The following EFCAB6 variants were observed in gnomAD, a reference collection of about 807,000 sequenced individuals.
EFCAB6 encodes EF-hand calcium binding domain 6.
In EFCAB6, 156 loss-of-function variants were observed where a neutral mutation model predicts 169.8. The ratio of observed to expected loss-of-function variants is 0.92; its 90% CI spans 0.81 to 1.05. The LOEUF (loss-of-function observed/expected upper bound fraction) is 1.05, where lower values mean the gene tolerates loss of function less well. Among genes scored for constraint, EFCAB6 ranks in the 50% least tolerant of loss-of-function variants. The probability of loss-of-function intolerance (pLI) is 0.00; values close to 1 mark genes in which losing one functional copy is unlikely to be tolerated. For missense variants in EFCAB6, 1,800 were observed against 1,829.1 expected (o/e 0.98, Z 0.29); for synonymous variants, 698 against 676.4 (o/e 1.03, Z -0.50).
intron 20 of EFCAB6, among the ~76,000 whole-genome samples, chr22:43,625,931 C>T (rs1333716243): frequency 6.6e-6 from 1 of 152,108 alleles, no homozygotes; most frequent in Admixed American, 6.5e-5. Context: ...CGGGCCCAGC[C>T]TTGGACAGAG....
chr22:43,607,426 C>G (rs2053001594), intron 22 of EFCAB6, among the ~76,000 whole-genome samples: 1 of 152,192 alleles, frequency 6.6e-6, no homozygotes, highest in Admixed American at 6.5e-5. Context: ...ATGTTGTCAT[C>G]TTTGGATTAT....
At chr22:43,652,721 A>C (rs1400891683) in intron 17 of EFCAB6, among the ~76,000 whole-genome samples, 1 of 152,116 alleles carries the variant, frequency 6.6e-6, no homozygotes. Flanking sequence ...TCTACCTGGC[A>C]TTCTAAGAGA....
At chr22:43,756,135 C>T (rs751649015) in intron 5 of EFCAB6, among the ~76,000 whole-genome samples, 1 of 151,432 alleles carries the variant, frequency 6.6e-6, no homozygotes, top group Non-Finnish European at 1.5e-5. Context: ...TCACAAGCCT[C>T]GTCCCATTTA....
intron 17 of EFCAB6, among the ~76,000 whole-genome samples, chr22:43,637,394 G>T (rs528594932): frequency 6.6e-6 from 1 of 152,254 alleles, no homozygotes; most frequent in African/African-American, 2.4e-5. Flanking sequence ...GGACCAGGGA[G>T]CTGGCCCCTG....
chr22:43,634,365 A>G (rs1425127495), intron 18 of EFCAB6, among the ~76,000 whole-genome samples: 1 of 152,052 alleles, frequency 6.6e-6, no homozygotes, highest in Non-Finnish European at 1.5e-5. Context: ...TGACAAGGCT[A>G]GGGGGACCTT....
At chr22:43,653,238 G>T (rs1034307040) in intron 17 of EFCAB6, among the ~76,000 whole-genome samples, 6 of 152,092 alleles carry the variant, frequency 3.9e-5, no homozygotes, top group African/African-American at 1.2e-4. Context: ...ACTCCAGCAG[G>T]ATTCATATAA....
chr22:43,614,537 A>G (rs1045468814), intron 21 of EFCAB6, among the ~76,000 whole-genome samples: 3 of 152,240 alleles, frequency 2.0e-5, no homozygotes, highest in African/African-American at 7.2e-5. Context: ...GTAAGACGGC[A>G]TAAGAGAAAA....
In EFCAB6 at chr22:43,678,004, T is replaced by C. The variant is rs375578764; in HGVS notation, c.1411A>G (p.Asn471Asp). 2 of 1,612,662 alleles carry C rather than the reference T, an allele frequency of 1.2e-6. No individual in the cohort carries two copies. The highest frequency in any genetic ancestry group is 2.7e-5 in the African/African-American group (2 of 74,798). Reference protein sequence around the residue: ...TSMFIDLIEENCRMRKTSPCT... With the variant: ...TSMFIDLIEEDCRMRKTSPCT... ...GTTGTTACAAAACTCACCCTACAGT[T>C]CTCTTCAATCAGATCAATAAACATG... is the stretch of plus-strand genomic sequence containing the variant. Residue 471 changes from asparagine to aspartate, a missense_variant, in exon 13 of 32, where the codon AAC (asparagine) becomes GAC (aspartate). Transcript: ENST00000262726.
chr22:43,634,016 G>T lies in EFCAB6; in HGVS notation c.2098+1086C>A, dbSNP rs959630477. Among the ~76,000 whole-genome samples, 102 of 152,282 alleles carry T rather than the reference G, an allele frequency of 6.7e-4. 1 individual carries two copies. Among genetic ancestry groups the T allele is most frequent in the African/African-American group, 1.9e-3 (77 of 41,554 alleles). The stretch of plus-strand genomic sequence containing the variant: ...GAGGAGACGGGCAGGGAGAGGAGAA[G>T]CAGGAAGTGAGGGGAGGAGAACACA... On this transcript the variant is annotated intron_variant, in intron 18 of 31. Coordinates refer to ENST00000262726, the MANE Select transcript of EFCAB6 (RefSeq NM_022785.4).
intron 3 of EFCAB6, among the ~76,000 whole-genome samples, chr22:43,777,402 C>A (rs1279432896): frequency 6.6e-6 from 1 of 152,156 alleles, no homozygotes; most frequent in Non-Finnish European, 1.5e-5. Flanking sequence ...AGAGGGCAGA[C>A]AGGGAACAGA....
At chr22:43,686,616 C>T (rs1203597249) in intron 11 of EFCAB6, among the ~76,000 whole-genome samples, 1 of 152,152 alleles carries the variant, frequency 6.6e-6, no homozygotes, top group Non-Finnish European at 1.5e-5. Context: ...GGTTGCAGCT[C>T]TGGAGCAGAG....
At chr22:43,704,108 C>A (rs937622443) in intron 10 of EFCAB6, among the ~76,000 whole-genome samples, 5 of 151,710 alleles carry the variant, frequency 3.3e-5, no homozygotes, top group African/African-American at 1.2e-4. Context: ...AAGAAAAAAT[C>A]CTGAGAGTAG....
intron 16 of EFCAB6, among the ~76,000 whole-genome samples, chr22:43,668,150 A>C (rs2057344486): frequency 6.6e-6 from 1 of 152,232 alleles, no homozygotes; most frequent in African/African-American, 2.4e-5. Context: ...CCAGGTATTC[A>C]AATTTAATTA....
intron 8 of EFCAB6, among the ~76,000 whole-genome samples, chr22:43,725,222 C>T (rs889544594): frequency 4.0e-5 from 6 of 150,294 alleles, no homozygotes; most frequent in Non-Finnish European, 7.4e-5. Flanking sequence ...CTCATTGTAA[C>T]CCCCCGCCTA....
intron 17 of EFCAB6, among the ~76,000 whole-genome samples, chr22:43,648,321 T>C (rs531000744): frequency 4.7e-4 from 72 of 152,236 alleles, no homozygotes; most frequent in Admixed American, 7.8e-4. Flanking sequence ...TGCCCATCAA[T>C]GGTGGACTGG....
At chr22:43,616,029 GT>G in intron 20 of EFCAB6, 107 bp from the exon 21 acceptor site, 1 of 819,562 alleles carries the variant, frequency 1.2e-6, no homozygotes, top group Non-Finnish European at 1.8e-6. Context: ...TACCATTAAA[GT>G]CTGTTATTTC....
intron 2 of EFCAB6, among the ~76,000 whole-genome samples, chr22:43,805,174 T>C (rs138018840): frequency 5.7e-4 from 86 of 152,196 alleles, no homozygotes; most frequent in Non-Finnish European, 9.6e-4. Context: ...AAATCAAAGA[T>C]TGATACAAGG....
At chr22:43,626,038 T>C (rs555107004) in intron 20 of EFCAB6, among the ~76,000 whole-genome samples, 1 of 152,296 alleles carries the variant, frequency 6.6e-6, no homozygotes, top group East Asian at 1.9e-4. Flanking sequence ...GAAAAATAAG[T>C]ATATGTATGT....
chr22:43,586,976 G>A (rs962563421), intron 24 of EFCAB6, among the ~76,000 whole-genome samples: 3 of 152,236 alleles, frequency 2.0e-5, no homozygotes, highest in African/African-American at 7.2e-5. Context: ...GGGAATAGAT[G>A]TATCAGAATC....
Sources: allele counts gnomAD v4.1 joint callset (sites outside exome capture counted in the v4.1 genomes callset), GRCh38; gene constraint gnomAD v4.1.1; transcripts MANE v1.5; gene names NCBI Gene and HGNC (gene_info 2026-07-23, HGNC 2026-07-21).